The following PLXNA4 variants were observed in gnomAD, a reference collection of about 807,000 sequenced individuals.
PLXNA4 encodes plexin A4.
PLXNA4 carries 44 observed loss-of-function variants against 191.8 expected under a neutral mutation model. The ratio of observed to expected loss-of-function variants is 0.23; its 90% CI spans 0.18 to 0.29. The LOEUF is 0.29. Ranked by LOEUF, PLXNA4 falls within the 10% of genes least tolerant of loss-of-function variation. PLXNA4 has a pLI of 1.00. For synonymous variants in PLXNA4, 1,082 were observed against 1,009.5 expected (o/e 1.07, Z -1.36); for missense variants, 1,800 against 2,488.8 (o/e 0.72, Z 5.89).
At chr7:132,178,714 AC>A (rs1796562703) in intron 20 of PLXNA4, among the ~76,000 whole-genome samples, 1 of 19,352 alleles carries the variant, frequency 5.2e-5, no homozygotes, top group Non-Finnish European at 8.7e-5. Flanking sequence ...ACATACACAT[AC>A]ACACACACAC....
chr7:132,186,269 G>A (rs573822971), intron 15 of PLXNA4, among the ~76,000 whole-genome samples: 2 of 152,334 alleles, frequency 1.3e-5, no homozygotes, highest in South Asian at 2.1e-4. Flanking sequence ...GGGAGGCAAG[G>A]TCACCTGGCC....
intron 2 of PLXNA4, among the ~76,000 whole-genome samples, chr7:132,637,691 C>G (rs1803636573): frequency 6.6e-6 from 1 of 152,212 alleles, no homozygotes; most frequent in South Asian, 2.1e-4. Context: ...GATGTAGTTA[C>G]TCCAGCAGAA....
At chr7:132,185,271 A>G (rs754310550) in intron 16 of PLXNA4, 28 bp downstream of exon 16, 4 of 1,594,386 alleles carry the variant, frequency 2.5e-6, no homozygotes, top group Non-Finnish European at 2.6e-6. Flanking sequence ...GTGCAGAAGC[A>G]TTAAGGTCCG....
At chr7:132,483,113 A>G (rs1289881830) in intron 3 of PLXNA4, among the ~76,000 whole-genome samples, 1 of 152,214 alleles carries the variant, frequency 6.6e-6, no homozygotes, top group African/African-American at 2.4e-5. Context: ...GAAGTTCCCT[A>G]AGAACAAGTA....
At chr7:132,174,718 A>T in intron 21 of PLXNA4, 60 bp downstream of exon 21, 1 of 1,585,952 alleles carries the variant, frequency 6.3e-7, no homozygotes, top group Non-Finnish European at 8.6e-7. Flanking sequence ...AAGGGGCTGG[A>T]CTTGAAGATT....
At chr7:132,412,235 A>G (rs575666152) in intron 3 of PLXNA4, among the ~76,000 whole-genome samples, 13 of 152,200 alleles carry the variant, frequency 8.5e-5, no homozygotes, top group African/African-American at 3.1e-4. Context: ...TATTTTATTT[A>G]TTTGTTTGGT....
chr7:132,157,566 G>A (rs1026938113), intron 25 of PLXNA4, among the ~76,000 whole-genome samples: 3 of 152,172 alleles, frequency 2.0e-5, no homozygotes, highest in Non-Finnish European at 2.9e-5. Flanking sequence ...GCATGCAGGT[G>A]CTCCTTCTGT....
chr7:132,335,464 T>A (rs543630011), intron 3 of PLXNA4, among the ~76,000 whole-genome samples: 8 of 152,348 alleles, frequency 5.3e-5, no homozygotes, highest in Admixed American at 5.2e-4. Context: ...GAGTTCATTC[T>A]CCTTCAATGA....
rs113046478 is a variant in PLXNA4, at chr7:132,531,388, C to T, written c.-86-22609G>A. Among the ~76,000 whole-genome samples, 957 of 152,302 alleles carry T rather than the reference C, an allele frequency of 6.3e-3. 11 individuals are homozygous for T. The highest frequency in any genetic ancestry group is 0.022 in the African/African-American group (934 of 41,554). ...AAACTATAATGCACTAAGAACTCTA[C>T]ATGAATTACCTATTCTATTTCTCTT... On this transcript the variant is annotated intron_variant, in intron 1 of 31. Coordinates refer to ENST00000321063, the MANE Select transcript of PLXNA4 (RefSeq NM_020911.2).
rs1584915832 is a variant in PLXNA4 at position 132,262,132 on chromosome 7, G to A, written c.1504-20966C>T. ...CCTTTCCCTTCTTGAACTTGACCCA[G>A]CCCTTCCAGACCAGGCTAAAACTGA... On this transcript the variant is annotated intron_variant, in intron 4 of 31. Coordinates refer to ENST00000321063, the MANE Select transcript of PLXNA4 (RefSeq NM_020911.2). 2.0e-5 allele frequency among the ~76,000 whole-genome samples: 3 copies of A among 152,104 alleles called. No homozygotes were observed. In the East Asian group the frequency reaches 5.8e-4, roughly 29 times the overall value.
intron 2 of PLXNA4, among the ~76,000 whole-genome samples, chr7:132,642,338 A>G (rs1381754958): frequency 6.6e-6 from 1 of 152,144 alleles, no homozygotes. Context: ...TAAATGTATT[A>G]AAATTCCTAA....
chr7:132,565,516 C>A (rs535649736), intron 1 of PLXNA4, among the ~76,000 whole-genome samples: 14 of 152,268 alleles, frequency 9.2e-5, no homozygotes, highest in Non-Finnish European at 1.5e-4. Context: ...GACAGTCTTG[C>A]AGCTTCCTTG....
At chr7:132,238,065 C>T (rs760273790) in intron 5 of PLXNA4, among the ~76,000 whole-genome samples, 9 of 152,228 alleles carry the variant, frequency 5.9e-5, no homozygotes, top group East Asian at 1.9e-4. Flanking sequence ...GAATGTAGTG[C>T]TGAAGGTCTG....
intron 2 of PLXNA4, among the ~76,000 whole-genome samples, chr7:132,623,952 T>C (rs1247745158): frequency 6.6e-6 from 1 of 152,226 alleles, no homozygotes. Context: ...ATTTGGGGAA[T>C]GAAAGAATAA....
chr7:132,238,165 T>A (rs935420439), intron 5 of PLXNA4, among the ~76,000 whole-genome samples: 1 of 152,208 alleles, frequency 6.6e-6, no homozygotes, highest in East Asian at 1.9e-4. Flanking sequence ...TGTGTTATAG[T>A]GCTGTTGGCA....
At chr7:132,250,408 A>G (rs1355848655) in intron 4 of PLXNA4, among the ~76,000 whole-genome samples, 1 of 152,248 alleles carries the variant, frequency 6.6e-6, no homozygotes, top group African/African-American at 2.4e-5. Context: ...TTACACTTGT[A>G]CGTGTTCCAA....
chr7:132,131,169 A>G (rs1794915465), intron 31 of PLXNA4, among the ~76,000 whole-genome samples: 1 of 152,370 alleles, frequency 6.6e-6, no homozygotes, highest in South Asian at 2.1e-4. Flanking sequence ...AATGTCTACC[A>G]AAGCCTTTTC....
At chr7:132,495,780 C>A (rs953812561) in intron 2 of PLXNA4, among the ~76,000 whole-genome samples, 2 of 152,212 alleles carry the variant, frequency 1.3e-5, no homozygotes, top group African/African-American at 4.8e-5. Flanking sequence ...ATGGTGGGGC[C>A]AACTGGATCT....
At chr7:132,573,551 G>C (rs1405701659) in intron 1 of PLXNA4, among the ~76,000 whole-genome samples, 1 of 152,200 alleles carries the variant, frequency 6.6e-6, no homozygotes, top group African/African-American at 2.4e-5. Context: ...AGCCCTCATT[G>C]TGATGAAAAG....
Sources: allele counts gnomAD v4.1 joint callset (sites outside exome capture counted in the v4.1 genomes callset), GRCh38; gene constraint gnomAD v4.1.1; transcripts MANE v1.5; gene names NCBI Gene and HGNC (gene_info 2026-07-23, HGNC 2026-07-21).